Variants in SUGCT observed in about 807,000 individuals in gnomAD.
SUGCT encodes the protein succinyl-CoA:glutarate-CoA transferase, also known as succinyl-CoA:glutarate CoA-transferase.
Under a neutral mutation model 55.0 loss-of-function variants are expected in SUGCT, and 41 were observed. The observed-to-expected ratio is 0.74, with a 90% CI of 0.58 to 0.97. The LOEUF is 0.97. Ranked by LOEUF, SUGCT falls within the 50% of genes least tolerant of loss-of-function variation. SUGCT has a pLI of 0.00. For missense variants in SUGCT, 568 were observed against 547.8 expected (o/e 1.04, Z -0.37); for synonymous variants, 187 against 200.4 (o/e 0.93, Z 0.56).
At chr7:40,241,355 G>A (rs1257317090) in intron 7 of SUGCT, among the ~76,000 whole-genome samples, 1 of 151,944 alleles carries the variant, frequency 6.6e-6, no homozygotes, top group African/African-American at 2.4e-5. Context: ...GAGGCGGGCG[G>A]ATCACTTAAG....
intron 9 of SUGCT, among the ~76,000 whole-genome samples, chr7:40,363,262 A>G (rs902370868): frequency 2.0e-5 from 3 of 151,950 alleles, no homozygotes; most frequent in African/African-American, 7.2e-5. Context: ...TCAAAAAACC[A>G]GCTCCTGGAT....
chr7:40,209,232 G>A (rs577175679), intron 6 of SUGCT, among the ~76,000 whole-genome samples: 123 of 152,304 alleles, frequency 8.1e-4, no homozygotes, highest in African/African-American at 2.9e-3. Context: ...ATGCGGTGGC[G>A]TGACTCATGC....
intron 1 of SUGCT, among the ~76,000 whole-genome samples, chr7:40,145,641 C>T (rs1182132711): frequency 1.3e-5 from 2 of 152,030 alleles, no homozygotes; most frequent in Non-Finnish European, 1.5e-5. Context: ...TTTTAGCAAA[C>T]TTTACTTTTG....
At chr7:40,292,992 C>T (rs558417922) in intron 8 of SUGCT, among the ~76,000 whole-genome samples, 8 of 152,110 alleles carry the variant, frequency 5.3e-5, no homozygotes, top group African/African-American at 1.9e-4. Context: ...TTAATGAAAC[C>T]GATCTAGAAG....
chr7:40,824,408 TC>T (rs1792203978), intron 13 of SUGCT, among the ~76,000 whole-genome samples: 1 of 151,920 alleles, frequency 6.6e-6, no homozygotes, highest in South Asian at 2.1e-4. Flanking sequence ...GGGAAAAACA[TC>T]AGGTAGAGAG....
chr7:40,817,416 G>T (rs898779292), intron 13 of SUGCT, among the ~76,000 whole-genome samples: 5 of 152,152 alleles, frequency 3.3e-5, no homozygotes, highest in Non-Finnish European at 7.4e-5. Flanking sequence ...CGGGAGTAGT[G>T]AAGACATACT....
At chr7:40,356,914 A>G (rs892312686) in intron 9 of SUGCT, among the ~76,000 whole-genome samples, 1 of 152,222 alleles carries the variant, frequency 6.6e-6, no homozygotes, top group African/African-American at 2.4e-5. Context: ...CTTATTTTCA[A>G]ATTGACTATT....
intron 9 of SUGCT, among the ~76,000 whole-genome samples, chr7:40,350,747 C>T (rs1173151658): frequency 6.6e-6 from 1 of 152,080 alleles, no homozygotes; most frequent in Admixed American, 6.6e-5. Flanking sequence ...ACCCATCAAC[C>T]CGTCATCTAC....
chr7:40,382,002 G>C (rs1321039689), intron 9 of SUGCT, among the ~76,000 whole-genome samples: 1 of 151,232 alleles, frequency 6.6e-6, no homozygotes, highest in African/African-American at 2.4e-5. Context: ...ACCATCAAGG[G>C]ACGTGTGTGT....
chr7:40,265,448 C>T (rs1311817061), intron 7 of SUGCT, among the ~76,000 whole-genome samples: 3 of 151,862 alleles, frequency 2.0e-5, no homozygotes, highest in South Asian at 2.1e-4. Flanking sequence ...TTTTTTTTCA[C>T]GCTGTCCCTC....
At chr7:40,235,250 G>A (rs1788946895) in intron 6 of SUGCT, among the ~76,000 whole-genome samples, 1 of 152,066 alleles carries the variant, frequency 6.6e-6, no homozygotes, top group Non-Finnish European at 1.5e-5. Context: ...ATGCATCTGG[G>A]TAGATTAATT....
the SUGCT span, among the ~76,000 whole-genome samples, chr7:40,994,485 G>C: frequency 6.6e-6 from 1 of 151,984 alleles, no homozygotes; most frequent in Non-Finnish European, 1.5e-5. Context: ...CATGCCCCAA[G>C]TGTAAAGAGA....
intron 12 of SUGCT, among the ~76,000 whole-genome samples, chr7:40,679,546 G>A (rs1019545995): frequency 2.6e-5 from 4 of 152,222 alleles, no homozygotes; most frequent in East Asian, 1.9e-4. Context: ...GAAGTCAAGA[G>A]CCTCTATTTA....
At chr7:40,301,470 A>G (rs1313480346) in intron 8 of SUGCT, among the ~76,000 whole-genome samples, 1 of 152,182 alleles carries the variant, frequency 6.6e-6, no homozygotes, top group Non-Finnish European at 1.5e-5. Context: ...CGTAACAAGT[A>G]TTTTACCTGC....
At chr7:40,481,910 A>G (rs1486915523) in intron 11 of SUGCT, among the ~76,000 whole-genome samples, 1 of 152,168 alleles carries the variant, frequency 6.6e-6, no homozygotes, top group Admixed American at 6.5e-5. Flanking sequence ...TCCACAGATA[A>G]TACAGATTTT....
the SUGCT span, among the ~76,000 whole-genome samples, chr7:40,946,345 G>A: frequency 6.6e-5 from 10 of 152,128 alleles, no homozygotes; most frequent in Non-Finnish European, 1.3e-4. Flanking sequence ...GCTGAGACAG[G>A]CAAGTCCACT....
At chr7:40,786,636 T>C (rs1181688675) in intron 13 of SUGCT, among the ~76,000 whole-genome samples, 1 of 152,160 alleles carries the variant, frequency 6.6e-6, no homozygotes, top group Non-Finnish European at 1.5e-5. Context: ...AAGAAAAATA[T>C]AATTAATTTC....
chr7:40,715,979 G>A lies in SUGCT; in HGVS notation c.1090-33455G>A, dbSNP rs143396874. ...TTATCTTTCTTCCTCACTAGCTGGC[G>A]TTCTGAAGTCAGAGACATTTTCCTA... is the stretch of plus-strand genomic sequence containing the variant. On this transcript the variant is annotated intron_variant, in intron 12 of 13. Transcript: ENST00000335693. 1.6e-4 allele frequency among the ~76,000 whole-genome samples: 25 copies of A among 152,260 alleles called. No homozygotes were observed. In the East Asian group the frequency reaches 4.1e-3, roughly 25 times the overall value.
At chr7:40,158,489 G>A (rs1207376245) in intron 1 of SUGCT, among the ~76,000 whole-genome samples, 9 of 152,154 alleles carry the variant, frequency 5.9e-5, no homozygotes, top group African/African-American at 1.9e-4. Flanking sequence ...GGTGGCTCAC[G>A]CCTGTAATCC....
Sources: gnomAD v4.1 joint callset for allele counts (sites outside exome capture counted in the v4.1 genomes callset) on GRCh38, gnomAD v4.1.1 for gene constraint, MANE v1.5 for transcripts, NCBI Gene and HGNC (gene_info 2026-07-23, HGNC 2026-07-21) for gene names.